The following ATXN7L1 variants were observed in gnomAD, a reference collection of about 807,000 sequenced individuals.
The protein encoded by ATXN7L1 is ataxin 7 like 1, also known as ataxin-7-like protein 1.
ATXN7L1 carries 15 observed loss-of-function variants against 70.8 expected under a neutral mutation model. The ratio of observed to expected loss-of-function variants is 0.21; its 90% CI spans 0.14 to 0.33. The LOEUF (loss-of-function observed/expected upper bound fraction) is 0.33, where lower values mean the gene tolerates loss of function less well. Ranked by LOEUF, ATXN7L1 falls within the 10% of genes least tolerant of loss-of-function variation. The probability of loss-of-function intolerance (pLI) is 1.00; values close to 1 mark genes in which losing one functional copy is unlikely to be tolerated. For missense variants in ATXN7L1, 975 were observed against 1,097.1 expected, an observed-to-expected ratio of 0.89 and a Z score of 1.57; for synonymous variants, 440 against 445.1, an observed-to-expected ratio of 0.99 and a Z score of 0.14.
chr7:105,867,208 C>T (rs958540774), intron 2 of ATXN7L1, among the ~76,000 whole-genome samples: 6 of 152,184 alleles, frequency 3.9e-5, no homozygotes, highest in African/African-American at 1.4e-4. Context: ...CCCTTTGTAC[C>T]TTCCCAGGCT....
In ATXN7L1 at chr7:105,694,050, C is replaced by CTTT. The variant is rs34797129; in HGVS notation, c.356-28765_356-28763dup. ...TTCAGGTCCTGAGGGAGAAGTGAGC[C>CTTT]TTTTTTTTTTTTTTTAAGGCAGAGT... is the stretch of plus-strand genomic sequence containing the variant. On this transcript the variant is annotated intron_variant, in intron 3 of 11. Transcript: ENST00000419735. Among the ~76,000 whole-genome samples, 168 of 139,394 alleles carry CTTT rather than the reference C, an allele frequency of 1.2e-3. 1 individual carries two copies. The highest frequency in any genetic ancestry group is 2.0e-3 in the Non-Finnish European group (131 of 64,392). 91.4% of individuals were successfully genotyped at this position (139,394 alleles called of 152,430 possible). A position where few individuals can be genotyped will look rare whatever the true frequency, so the allele number is the denominator to read the frequency against.
At position 105,714,462 on chromosome 7, in the gene ATXN7L1, C is replaced by T. The variant is rs998850264; in HGVS notation, c.356-49174G>A. ...AGACATCCCTGAGGGAAGCTTATTT[C>T]CCAGGCCAGGCCAACAATAATAAGA... On this transcript the variant is annotated intron_variant, in intron 3 of 11. Coordinates refer to ENST00000419735, the MANE Select transcript of ATXN7L1 (RefSeq NM_020725.2). 3.3e-5 allele frequency among the ~76,000 whole-genome samples: 5 copies of T among 152,264 alleles called. No homozygotes were observed. In the South Asian group the frequency reaches 8.3e-4, roughly 25 times the overall value.
At chr7:105,641,897 T>G (rs1264343772) in intron 5 of ATXN7L1, among the ~76,000 whole-genome samples, 2 of 152,224 alleles carry the variant, frequency 1.3e-5, no homozygotes, top group Non-Finnish European at 2.9e-5. Context: ...AAACTAGAAC[T>G]ACAGACAAAT....
At chr7:105,659,835 G>A (rs1453292801) in intron 4 of ATXN7L1, among the ~76,000 whole-genome samples, 2 of 151,012 alleles carry the variant, frequency 1.3e-5, no homozygotes, top group Admixed American at 6.6e-5. Flanking sequence ...CCTATCTCTT[G>A]ACCCCTGGTT....
At chr7:105,842,196 GT>G (rs11345494) in intron 2 of ATXN7L1, among the ~76,000 whole-genome samples, 101,554 of 148,592 alleles carry the variant, frequency 0.68, 34,741 homozygotes, top group South Asian at 0.75. Context: ...AAGTAGAAGG[GT>G]TTTTTTTTTT....
intron 4 of ATXN7L1, among the ~76,000 whole-genome samples, chr7:105,659,309 C>T (rs1801209598): frequency 6.6e-6 from 1 of 152,194 alleles, no homozygotes; most frequent in South Asian, 2.1e-4. Context: ...GAATCCCTTT[C>T]AATGGTCACA....
At chr7:105,750,320 C>G (rs983336382) in intron 3 of ATXN7L1, among the ~76,000 whole-genome samples, 2 of 151,512 alleles carry the variant, frequency 1.3e-5, no homozygotes, top group South Asian at 4.2e-4. Context: ...CTCTATTGCC[C>G]GGGCTGAGTG....
intron 2 of ATXN7L1, among the ~76,000 whole-genome samples, chr7:105,798,026 G>T (rs1392840761): frequency 6.6e-6 from 1 of 152,234 alleles, no homozygotes; most frequent in Non-Finnish European, 1.5e-5. Flanking sequence ...GAAAGGGGAA[G>T]TAGTAAATGA....
intron 4 of ATXN7L1, among the ~76,000 whole-genome samples, chr7:105,648,898 G>A (rs1392619277): frequency 6.6e-6 from 1 of 152,162 alleles, no homozygotes; most frequent in Non-Finnish European, 1.5e-5. Flanking sequence ...TCTTCTTTGT[G>A]TCTAATCACA....
At chr7:105,711,358 A>G (rs1404402651) in intron 3 of ATXN7L1, among the ~76,000 whole-genome samples, 5 of 152,204 alleles carry the variant, frequency 3.3e-5, no homozygotes, top group Non-Finnish European at 7.3e-5. Context: ...AACTCATTTC[A>G]GCCATTAACT....
chr7:105,662,063 C>T (rs922717494), intron 4 of ATXN7L1, among the ~76,000 whole-genome samples: 3,136 of 85,588 alleles, frequency 0.037, 95 homozygotes, highest in East Asian at 0.19. Flanking sequence ...TCCTTCCTTC[C>T]TTCCTTCCTT....
chr7:105,717,898 T>C (rs1794751380), intron 3 of ATXN7L1, among the ~76,000 whole-genome samples: 1 of 152,194 alleles, frequency 6.6e-6, no homozygotes, highest in Non-Finnish European at 1.5e-5. Context: ...ATTCTCTAAT[T>C]AGTATATTTT....
At chr7:105,833,514 A>G (rs945277130) in intron 2 of ATXN7L1, among the ~76,000 whole-genome samples, 2 of 152,240 alleles carry the variant, frequency 1.3e-5, no homozygotes, top group South Asian at 2.1e-4. Flanking sequence ...CTTGGAATCC[A>G]TTGCACAGAT....
At chr7:105,766,242 C>G (rs528543736) in intron 3 of ATXN7L1, among the ~76,000 whole-genome samples, 1 of 151,384 alleles carries the variant, frequency 6.6e-6, no homozygotes, top group Non-Finnish European at 1.5e-5. Context: ...GCAACAAATT[C>G]AAAGTCCACG....
intron 3 of ATXN7L1, among the ~76,000 whole-genome samples, chr7:105,777,209 G>A (rs1483824472): frequency 1.3e-5 from 2 of 152,150 alleles, no homozygotes; most frequent in African/African-American, 4.8e-5. Flanking sequence ...GCCAGCTGAC[G>A]ATTGAGTTGG....
intron 7 of ATXN7L1, among the ~76,000 whole-genome samples, chr7:105,637,389 A>G (rs1797547579): frequency 6.6e-6 from 1 of 152,256 alleles, no homozygotes; most frequent in Non-Finnish European, 1.5e-5. Flanking sequence ...CACTGTATGC[A>G]TAAAAAACAT....
chr7:105,634,676 T>C (rs1240206849), intron 7 of ATXN7L1, among the ~76,000 whole-genome samples: 2 of 152,042 alleles, frequency 1.3e-5, no homozygotes, highest in Non-Finnish European at 2.9e-5. Context: ...AAAACTATTA[T>C]AAAGCTAATA....
At chr7:105,818,052 G>A (rs1024552744) in intron 2 of ATXN7L1, among the ~76,000 whole-genome samples, 14 of 152,302 alleles carry the variant, frequency 9.2e-5, no homozygotes, top group Non-Finnish European at 1.5e-4. Flanking sequence ...ATCAAATGAA[G>A]CTGTAAGAAA....
At chr7:105,761,174 C>A in intron 3 of ATXN7L1, 1 of 1,298,338 alleles carries the variant, frequency 7.7e-7, no homozygotes, top group Non-Finnish European at 9.8e-7. Flanking sequence ...AAGAGAAGAA[C>A]CCCACAGGTA....
Sources: allele counts gnomAD v4.1 joint callset (sites outside exome capture counted in the v4.1 genomes callset), GRCh38; gene constraint gnomAD v4.1.1; transcripts MANE v1.5; gene names NCBI Gene and HGNC (gene_info 2026-07-23, HGNC 2026-07-21).